SNX25: variants seen among roughly 807,000 people sequenced by gnomAD.
The protein encoded by SNX25 is sorting nexin 25.
Under a neutral mutation model 113.7 loss-of-function variants are expected in SNX25, and 62 were observed. The ratio of observed to expected loss-of-function variants is 0.55; its 90% confidence interval spans 0.44 to 0.67. The LOEUF (loss-of-function observed/expected upper bound fraction) is 0.67, where lower values mean the gene tolerates loss of function less well. SNX25 is among the 30% of genes least tolerant of loss of function. The pLI, the probability that SNX25 is intolerant of heterozygous loss-of-function variation, is 0.00. For missense variants in SNX25, 1,014 were observed against 1,161.0 expected (o/e 0.87, Z 1.84); for synonymous variants, 421 against 436.2 (o/e 0.97, Z 0.43).
chr4:185,307,674 G>A (rs1754655881), intron 6 of SNX25, among the ~76,000 whole-genome samples: 1 of 152,214 alleles, frequency 6.6e-6, no homozygotes, highest in Non-Finnish European at 1.5e-5. Context: ...TGCCTTCCAT[G>A]TTACTACAGT....
intron 5 of SNX25, among the ~76,000 whole-genome samples, chr4:185,284,835 T>C (rs1751121566): frequency 6.6e-6 from 1 of 152,120 alleles, no homozygotes; most frequent in Non-Finnish European, 1.5e-5. Flanking sequence ...GAAACAATGG[T>C]AGCTGAAGGT....
the SNX25 span, among the ~76,000 whole-genome samples, chr4:185,375,292 A>G: frequency 6.7e-6 from 1 of 148,434 alleles, no homozygotes; most frequent in African/African-American, 2.5e-5. Context: ...TCCTGTCTCT[A>G]CTAAAACTAC....
intron 9 of SNX25, among the ~76,000 whole-genome samples, chr4:185,331,833 G>A (rs2095197595): frequency 6.6e-6 from 1 of 152,072 alleles, no homozygotes; most frequent in South Asian, 2.1e-4. Context: ...TATGACCATT[G>A]GTACTTTATT....
intron 5 of SNX25, among the ~76,000 whole-genome samples, chr4:185,268,117 C>T (rs1748399858): frequency 6.6e-6 from 1 of 152,108 alleles, no homozygotes; most frequent in African/African-American, 2.4e-5. Flanking sequence ...TGTAATGAGG[C>T]TATAATAGAC....
chr4:185,320,593 A>G, intron 7 of SNX25, 140 bp from the exon 8 acceptor site: 1 of 545,938 alleles, frequency 1.8e-6, no homozygotes, highest in South Asian at 3.2e-5. Context: ...TAAATAGTAA[A>G]TTACTACAAT....
chr4:185,234,127 G>A (rs1336181505), intron 1 of SNX25, among the ~76,000 whole-genome samples: 17 of 151,998 alleles, frequency 1.1e-4, no homozygotes, highest in Admixed American at 1.1e-3. Context: ...CAAGGTGCTG[G>A]GTTTACAGGT....
intron 10 of SNX25, among the ~76,000 whole-genome samples, chr4:185,336,279 A>G (rs1026929860): frequency 2.0e-5 from 3 of 152,170 alleles, no homozygotes; most frequent in African/African-American, 7.2e-5. Flanking sequence ...TCACCCAAGC[A>G]GTGTACATTG....
intron 11 of SNX25, chr4:185,369,709 AT>A (rs1561073606): frequency 2.3e-6 from 1 of 430,710 alleles, no homozygotes; most frequent in Non-Finnish European, 4.6e-6. Flanking sequence ...TTTTAAAGTA[AT>A]TTAGGGTTCC....
intron 7 of SNX25, among the ~76,000 whole-genome samples, chr4:185,315,157 G>A (rs2126673494): frequency 6.6e-6 from 1 of 151,522 alleles, no homozygotes; most frequent in African/African-American, 2.4e-5. Flanking sequence ...GAACCTGGGA[G>A]GCGGAGCTTG....
At chr4:185,303,373 G>A (rs1753977157) in intron 6 of SNX25, among the ~76,000 whole-genome samples, 1 of 152,112 alleles carries the variant, frequency 6.6e-6, no homozygotes, top group Non-Finnish European at 1.5e-5. Flanking sequence ...GACATTAAAC[G>A]AAGGTGCAGG....
At chr4:185,355,760 C>A (rs575999620) in intron 15 of SNX25, among the ~76,000 whole-genome samples, 16 of 152,314 alleles carry the variant, frequency 1.1e-4, no homozygotes, top group African/African-American at 3.6e-4. Context: ...TAGTAATCCA[C>A]CCAAAGTCTG....
chr4:185,283,642 G>C (rs1750956751), intron 5 of SNX25, among the ~76,000 whole-genome samples: 1 of 152,282 alleles, frequency 6.6e-6, no homozygotes, highest in South Asian at 2.1e-4. Context: ...AATGGTTAGA[G>C]CATGAGCTTT....
chr4:185,335,143 A>C (rs1008484145), intron 10 of SNX25, among the ~76,000 whole-genome samples: 1 of 152,074 alleles, frequency 6.6e-6, no homozygotes, highest in Admixed American at 6.5e-5. Context: ...AATGTGGTAA[A>C]ACCCCGCCTC....
intron 1 of SNX25, among the ~76,000 whole-genome samples, chr4:185,231,771 T>C (rs539010574): frequency 6.6e-6 from 1 of 152,146 alleles, no homozygotes; most frequent in Non-Finnish European, 1.5e-5. Flanking sequence ...TTTAGAATTT[T>C]AGATAGAAAC....
At chr4:185,311,950 CAAAAT>C (rs528010871) in intron 7 of SNX25, among the ~76,000 whole-genome samples, 12 of 152,100 alleles carry the variant, frequency 7.9e-5, no homozygotes, top group East Asian at 7.7e-4. Flanking sequence ...TTGCTATTAG[CAAAAT>C]AAAATAAAAT....
chr4:185,346,263 C>G (rs888245164), intron 12 of SNX25, among the ~76,000 whole-genome samples: 2 of 152,226 alleles, frequency 1.3e-5, no homozygotes, highest in African/African-American at 2.4e-5. Flanking sequence ...ACATCATGTG[C>G]CACCCTGCGT....
At chr4:185,211,611 G>A (rs1264635065) in intron 1 of SNX25, among the ~76,000 whole-genome samples, 3 of 152,138 alleles carry the variant, frequency 2.0e-5, no homozygotes, top group Non-Finnish European at 4.4e-5. Flanking sequence ...TGTGAGCCAG[G>A]TACTGTTTTG....
intron 6 of SNX25, among the ~76,000 whole-genome samples, chr4:185,307,517 A>G (rs550525523): frequency 1.3e-3 from 202 of 152,130 alleles, no homozygotes; most frequent in African/African-American, 4.7e-3. Context: ...CCTTTACCTC[A>G]GGCCTCTGAT....
chr4:185,244,788 T>A (rs979154924), intron 1 of SNX25, among the ~76,000 whole-genome samples: 8 of 151,870 alleles, frequency 5.3e-5, no homozygotes, highest in African/African-American at 1.7e-4. Context: ...CTTAAGGTTT[T>A]AAAAAAAAAT....
Sources: allele counts gnomAD v4.1 joint callset (sites outside exome capture counted in the v4.1 genomes callset), GRCh38; gene constraint gnomAD v4.1.1; transcripts MANE v1.5; gene names NCBI Gene and HGNC (gene_info 2026-07-23, HGNC 2026-07-21).